The following MAML2 variants were observed in gnomAD, a reference collection of about 807,000 sequenced individuals.
MAML2 encodes mastermind like transcriptional coactivator 2, also known as mastermind-like protein 2.
MAML2 carries 22 observed loss-of-function variants against 96.1 expected under a neutral mutation model. The observed-to-expected ratio is 0.23, with a 90% CI of 0.16 to 0.33. The LOEUF is 0.33. Among genes scored for constraint, MAML2 ranks in the 10% least tolerant of loss-of-function variants. The pLI is 1.00. For missense variants in MAML2, 1,367 were observed against 1,392.4 expected, an observed-to-expected ratio of 0.98 and a Z score of 0.29; for synonymous variants, 561 against 521.3, an observed-to-expected ratio of 1.08 and a Z score of -1.04.
chr11:96,076,432 T>TCTCA (rs1220334761), intron 2 of MAML2, among the ~76,000 whole-genome samples: 54 of 103,186 alleles, frequency 5.2e-4, no homozygotes, highest in African/African-American at 1.3e-3. Context: ...TCTCTCTCTC[T>TCTCA]CACACACACA....
chr11:96,286,258 A>G (rs1863137973), intron 1 of MAML2, among the ~76,000 whole-genome samples: 1 of 152,212 alleles, frequency 6.6e-6, no homozygotes, highest in South Asian at 2.1e-4. Context: ...CTCACTTATA[A>G]GTGGGAGCTG....
chr11:96,317,268 C>T (rs1333566498), intron 1 of MAML2, among the ~76,000 whole-genome samples: 3 of 152,266 alleles, frequency 2.0e-5, no homozygotes, highest in African/African-American at 7.2e-5. Context: ...GCATAGATAG[C>T]TTTAAAACGT....
At chr11:96,024,816 CT>C (rs1356504432) in intron 2 of MAML2, among the ~76,000 whole-genome samples, 4 of 152,186 alleles carry the variant, frequency 2.6e-5, no homozygotes, top group African/African-American at 9.7e-5. Context: ...ACTCCTTCTC[CT>C]TCTGCTCACC....
intron 1 of MAML2, among the ~76,000 whole-genome samples, chr11:96,114,182 G>A (rs111746187): frequency 5.8e-4 from 89 of 152,258 alleles, no homozygotes; most frequent in African/African-American, 1.9e-3. Context: ...GCCTCCCAAA[G>A]TGCTGGGATT....
At chr11:96,004,004 G>T (rs1044168708) in intron 2 of MAML2, among the ~76,000 whole-genome samples, 9 of 152,128 alleles carry the variant, frequency 5.9e-5, no homozygotes, top group Admixed American at 3.9e-4. Flanking sequence ...GTGTTTAAGA[G>T]TAATTTTATC....
At chr11:96,141,444 G>A (rs1860728914) in intron 1 of MAML2, among the ~76,000 whole-genome samples, 2 of 152,118 alleles carry the variant, frequency 1.3e-5, no homozygotes, top group Admixed American at 6.5e-5. Context: ...AGAGGCCCCA[G>A]CTAGAGCCCC....
intron 4 of MAML2, among the ~76,000 whole-genome samples, chr11:95,982,579 A>T (rs1181902420): frequency 6.6e-6 from 1 of 152,234 alleles, no homozygotes; most frequent in Non-Finnish European, 1.5e-5. Context: ...CTTGAAATCC[A>T]GCAAGCCAGC....
intron 1 of MAML2, among the ~76,000 whole-genome samples, chr11:96,164,985 C>T (rs1415434864): frequency 6.6e-6 from 1 of 152,054 alleles, no homozygotes; most frequent in Non-Finnish European, 1.5e-5. Flanking sequence ...TAATAGACAA[C>T]AATTATAGAA....
intron 2 of MAML2, among the ~76,000 whole-genome samples, chr11:96,038,408 G>A (rs1858753136): frequency 6.6e-6 from 1 of 152,106 alleles, no homozygotes; most frequent in African/African-American, 2.4e-5. Flanking sequence ...ACACATCTTA[G>A]GAAATGTTGA....
chr11:96,208,155 G>A (rs1293481080), intron 1 of MAML2, among the ~76,000 whole-genome samples: 1 of 152,180 alleles, frequency 6.6e-6, no homozygotes, highest in African/African-American at 2.4e-5. Flanking sequence ...GTATTCTCAA[G>A]TACTATGTCC....
rs1038785051 is a variant in MAML2, at chr11:96,009,041, T to A, written c.2140-17318A>T. Among the ~76,000 whole-genome samples the A allele has an allele frequency of 3.9e-5, 6 of 152,358 alleles. No individual in the cohort carries two copies. The South Asian group carries it at 1.2e-3, about 32-fold the overall frequency. Reference sequence around the variant, plus strand: ...ACTTCATTTGGGGAAGGTGTTATGTTAATAAATATTTTGAGAGTTAACTAA... The same window carrying A: ...ACTTCATTTGGGGAAGGTGTTATGTAAATAAATATTTTGAGAGTTAACTAA... On this transcript the variant is annotated intron_variant, in intron 2 of 4. Coordinates refer to ENST00000524717, the MANE Select transcript of MAML2 (RefSeq NM_032427.4).
At chr11:96,088,516 A>T (rs530070356) in intron 2 of MAML2, among the ~76,000 whole-genome samples, 1 of 152,312 alleles carries the variant, frequency 6.6e-6, no homozygotes, top group African/African-American at 2.4e-5. Flanking sequence ...AAATGCATTC[A>T]TTGCATCCCC....
intron 1 of MAML2, among the ~76,000 whole-genome samples, chr11:96,223,093 A>G (rs1294964061): frequency 6.6e-6 from 1 of 152,176 alleles, no homozygotes; most frequent in African/African-American, 2.4e-5. Context: ...TTCATTTTTA[A>G]TACTTTAGAA....
At chr11:96,192,710 T>C (rs1298397148) in intron 1 of MAML2, among the ~76,000 whole-genome samples, 1 of 152,220 alleles carries the variant, frequency 6.6e-6, no homozygotes, top group Non-Finnish European at 1.5e-5. Context: ...CTTCAAATTA[T>C]CTGGAGGCAG....
intron 1 of MAML2, among the ~76,000 whole-genome samples, chr11:96,161,485 T>C (rs1372562477): frequency 1.3e-5 from 2 of 152,134 alleles, no homozygotes; most frequent in Non-Finnish European, 2.9e-5. Context: ...ATCCAGCAGA[T>C]GGGGAAGTCG....
intron 1 of MAML2, among the ~76,000 whole-genome samples, chr11:96,203,970 G>A (rs1316152286): frequency 6.6e-6 from 1 of 152,206 alleles, no homozygotes; most frequent in Admixed American, 6.5e-5. Flanking sequence ...AAGGGGTTAA[G>A]GACTAATTAT....
intron 1 of MAML2, among the ~76,000 whole-genome samples, chr11:96,149,001 C>T (rs141959266): frequency 1.6e-4 from 24 of 152,306 alleles, no homozygotes; most frequent in African/African-American, 4.3e-4. Flanking sequence ...TCTTAAACCT[C>T]GTCACTTTAG....
chr11:95,989,349 G>A (rs1354529710), intron 3 of MAML2, among the ~76,000 whole-genome samples: 1 of 152,206 alleles, frequency 6.6e-6, no homozygotes, highest in African/African-American at 2.4e-5. Context: ...AAAAACAGCA[G>A]CCTCATTCTC....
intron 2 of MAML2, among the ~76,000 whole-genome samples, chr11:96,013,738 G>A (rs1292119255): frequency 6.6e-6 from 1 of 152,212 alleles, no homozygotes; most frequent in East Asian, 1.9e-4. Context: ...GGCTGTTGGA[G>A]GAGAGCCAGG....
Sources: gnomAD v4.1 joint callset for allele counts (sites outside exome capture counted in the v4.1 genomes callset) on GRCh38, gnomAD v4.1.1 for gene constraint, MANE v1.5 for transcripts, NCBI Gene and HGNC (gene_info 2026-07-23, HGNC 2026-07-21) for gene names.